The following CEP164 variants were observed in gnomAD, a reference collection of about 807,000 sequenced individuals.
The protein encoded by CEP164 is centrosomal protein 164.
In CEP164, 162 loss-of-function variants were observed where a neutral mutation model predicts 182.7. The observed-to-expected ratio is 0.89, with a 90% CI of 0.78 to 1.01. The LOEUF (loss-of-function observed/expected upper bound fraction) is 1.01. Ranked by LOEUF, CEP164 falls within the 50% of genes least tolerant of loss-of-function variation. The probability of loss-of-function intolerance (pLI) is 0.00; values close to 1 mark genes in which losing one functional copy is unlikely to be tolerated. For missense variants in CEP164, 1,735 were observed against 1,790.4 expected (o/e 0.97, Z 0.56); for synonymous variants, 661 against 690.0 (o/e 0.96, Z 0.66).
At chr11:117,391,780 C>T (rs2044687124) in intron 17 of CEP164, among the ~76,000 whole-genome samples, 1 of 152,216 alleles carries the variant, frequency 6.6e-6, no homozygotes, top group Non-Finnish European at 1.5e-5. Flanking sequence ...TCTCTGAGCA[C>T]TTGTAGTACA....
chr11:117,351,732 T>G (rs2039655244), intron 4 of CEP164, 58 bp from the exon 5 acceptor site: 2 of 1,511,906 alleles, frequency 1.3e-6, no homozygotes, highest in Non-Finnish European at 1.8e-6. Context: ...TCCCCTCTTT[T>G]TTTTTTCTTC....
chr11:117,324,506 T>C (rs1270361584), upstream of CEP164, among the ~76,000 whole-genome samples: 1 of 152,126 alleles, frequency 6.6e-6, no homozygotes, highest in East Asian at 1.9e-4. Flanking sequence ...ACTTTTTAAA[T>C]TATGTTTGCC....
At position 117,376,172 on chromosome 11, in the gene CEP164, C is replaced by G. The variant is rs144767456; in HGVS notation, c.1317+381C>G. Among the ~76,000 whole-genome samples the G allele has an allele frequency of 3.9e-3, 601 of 152,334 alleles. 4 individuals carry two copies. Among genetic ancestry groups the G allele is most frequent in the African/African-American group, 0.012 (518 of 41,574 alleles). On this transcript the variant is annotated intron_variant, in intron 11 of 32. Transcript: ENST00000278935. ...CAGCTGGATCTGCTGCTCGCTATTGCTGGGGCACACTCCACCTCCGCCACG... is the reference window on the plus strand; with the variant it reads ...CAGCTGGATCTGCTGCTCGCTATTGGTGGGGCACACTCCACCTCCGCCACG...
At position 117,395,672 on chromosome 11, in the gene CEP164, C is replaced by A. The variant is rs778620459; in HGVS notation, c.3039C>A (p.Ser1013=). ...ELQARKLKLE[S]QVDLLQAQSQ... is the part of the protein sequence containing the mutation. Reference sequence around the variant, plus strand: ...AGGCCCGCAAGCTGAAGCTGGAGTCCCAAGTGGATCTGCTGCAGGCTCAGA... The same window carrying A: ...AGGCCCGCAAGCTGAAGCTGGAGTCACAAGTGGATCTGCTGCAGGCTCAGA... Residue 1013 remains serine (S), a synonymous_variant, in exon 24 of 33, where the codon TCC becomes TCA. Coordinates refer to ENST00000278935, the MANE Select transcript of CEP164 (RefSeq NM_014956.5). 1 of 1,613,388 alleles carries A rather than the reference C, an allele frequency of 6.2e-7. No individual in the cohort carries two copies. The highest frequency in any genetic ancestry group is 1.1e-5 in the South Asian group (1 of 91,022).
Position 117,411,476 on chromosome 11 carries a change from C to T in CEP164, c.4164-319C>T, listed in dbSNP as rs1592528960. The T allele has an allele frequency of 3.0e-6, 1 of 334,114 alleles. No homozygotes were observed. Among genetic ancestry groups the T allele is most frequent in the Non-Finnish European group, 5.6e-6 (1 of 178,106 alleles). 20.7% of individuals were successfully genotyped at this position (334,114 alleles called of 1,614,324 possible). A position where few individuals can be genotyped will look rare whatever the true frequency, so the allele number is the denominator to read the frequency against. ...ACTAACCCTTTGGCCAACTTGAGAG[C>T]TGATGCTGGCCAAGGATTGAGTTGA... On this transcript the variant is annotated intron_variant, in intron 31 of 32. Coordinates refer to ENST00000278935, the MANE Select transcript of CEP164 (RefSeq NM_014956.5). This position sits in a 1 kb window ranked among gnomAD's most constrained non-coding sequence, Gnocchi z 4.4.
At chr11:117,353,545 A>G (rs1281338584) in intron 5 of CEP164, among the ~76,000 whole-genome samples, 1 of 152,112 alleles carries the variant, frequency 6.6e-6, no homozygotes, top group Non-Finnish European at 1.5e-5. Flanking sequence ...TGGGTAAAGG[A>G]CCGAGATGTA....
rs1227388521 is a variant in CEP164, at chr11:117,344,237, G to C, written c.154G>C (p.Glu52Gln). 6.2e-7 allele frequency: 1 copy of C among 1,613,470 alleles called. No individual in the cohort carries two copies. The highest frequency in any genetic ancestry group is 1.3e-5 in the African/African-American group (1 of 75,034). Residue 52 changes from glutamate (E) to glutamine (Q), a missense_variant, in exon 4 of 33, where the codon GAG becomes CAG. Physicochemically the swap from Glu to Gln is conservative, Grantham distance 29. Transcript: ENST00000278935. ...KEPELMWLAR[E>Q]GIVAPLPGEW... ...ACCAGAACTGATGTGGCTGGCGCGA[G>C]AGGGCATCGTGGCCCCACTGCCTGG...
chr11:117,401,502 T>C (rs1365178253), intron 27 of CEP164, among the ~76,000 whole-genome samples: 1 of 152,194 alleles, frequency 6.6e-6, no homozygotes, highest in Non-Finnish European at 1.5e-5. Flanking sequence ...ATAAAATGAG[T>C]TAGGGAGGAG....
chr11:117,367,925 C>T (rs2041821179), intron 8 of CEP164, among the ~76,000 whole-genome samples: 1 of 152,152 alleles, frequency 6.6e-6, no homozygotes, highest in Admixed American at 6.5e-5. Flanking sequence ...TTAATAAGCA[C>T]TGTAATAAAT....
At position 117,360,154 on chromosome 11, in the gene CEP164, C is replaced by G. The variant is rs181907767; in HGVS notation, c.394-1681C>G. 7.9e-5 allele frequency among the ~76,000 whole-genome samples: 12 copies of G among 151,936 alleles called. No homozygotes were observed. In the East Asian group the frequency reaches 1.2e-3, roughly 15 times the overall value. Reference sequence around the variant, plus strand: ...AGTTAGTGTTGATTTTTTTTCCAGACAGGGTCATTTTTATTTTTTAGAGGC... The same window carrying G: ...AGTTAGTGTTGATTTTTTTTCCAGAGAGGGTCATTTTTATTTTTTAGAGGC... On this transcript the variant is annotated intron_variant, in intron 5 of 32. Coordinates refer to ENST00000278935, the MANE Select transcript of CEP164 (RefSeq NM_014956.5).
intron 3 of CEP164, among the ~76,000 whole-genome samples, chr11:117,340,064 C>T (rs767111894): frequency 4.9e-4 from 75 of 152,120 alleles, no homozygotes; most frequent in South Asian, 3.3e-3. Context: ...TTCACTCTGT[C>T]GCCCAGGCTG....
In CEP164 at chr11:117,412,285, G is replaced by A; in HGVS notation, c.*117G>A. On this transcript the variant is annotated 3_prime_UTR_variant, in exon 33 of 33. Coordinates refer to ENST00000278935, the MANE Select transcript of CEP164 (RefSeq NM_014956.5). ...ACCCTCCTTCCCCCTTTGACTTGCAGGAGCCACCAGGGACCAGGGGGTTGA... is the reference window on the plus strand; with the variant it reads ...ACCCTCCTTCCCCCTTTGACTTGCAAGAGCCACCAGGGACCAGGGGGTTGA... The A allele has an allele frequency of 2.4e-6, 2 of 832,308 alleles. No individual in the cohort carries two copies. The highest frequency in any genetic ancestry group is 1.7e-5 in the South Asian group (1 of 57,160). The allele number at this position is 832,308 out of a possible 1,614,324, so 51.6% of individuals were successfully genotyped here. A position where few individuals can be genotyped will look rare whatever the true frequency, so the allele number is the denominator to read the frequency against.
intron 8 of CEP164, among the ~76,000 whole-genome samples, chr11:117,365,247 G>T (rs575082482): frequency 6.6e-6 from 1 of 152,362 alleles, no homozygotes; most frequent in African/African-American, 2.4e-5. Context: ...TGGCCAGGAA[G>T]CAACTAGCCT....
At chr11:117,322,331 G>A (rs181728427) in intron 1 of CEP164, among the ~76,000 whole-genome samples, 7 of 152,140 alleles carry the variant, frequency 4.6e-5, no homozygotes, top group Admixed American at 1.3e-4. Flanking sequence ...TAGCCAGGAT[G>A]GTCTCGATCT....
upstream of CEP164, among the ~76,000 whole-genome samples, chr11:117,325,532 C>A (rs1465180454): frequency 6.6e-6 from 1 of 150,598 alleles, no homozygotes; most frequent in Admixed American, 6.6e-5. Context: ...ATTACAGGTG[C>A]CTGCCACCAC....
intron 7 of CEP164, 62 bp from the exon 8 acceptor site, chr11:117,363,367 C>A: frequency 3.2e-6 from 4 of 1,251,786 alleles, no homozygotes; most frequent in South Asian, 1.2e-5. Flanking sequence ...CCTCTGCACA[C>A]CCCTCACCCT....
In CEP164 at chr11:117,412,141, C is replaced by A. The variant is rs755044466; in HGVS notation, c.4356C>A (p.His1452Gln). The change falls in exon 33 of 33, where the codon CAC becomes CAA. Residue 1452 changes from histidine to glutamine, a missense_variant. Coordinates refer to ENST00000278935, the MANE Select transcript of CEP164 (RefSeq NM_014956.5). The part of the protein sequence containing the change: ...LSLLQLGLDE[H>Q]NRVKVYRF ...TCCTGCAGCTGGGCCTTGATGAGCA[C>A]AACAGAGTGAAGGTGTATCGCTTCT... 1 of 1,614,182 alleles carries A rather than the reference C, an allele frequency of 6.2e-7. No individual in the cohort carries two copies. Among genetic ancestry groups the A allele is most frequent in the Admixed American group, 1.7e-5 (1 of 60,024 alleles).
At chr11:117,362,133 A>T (rs1387873776) in intron 6 of CEP164, 140 bp downstream of exon 6, 1 of 858,294 alleles carries the variant, frequency 1.2e-6, no homozygotes, top group East Asian at 2.6e-5. Flanking sequence ...GGGAAAATGT[A>T]ATTCGCACCT....
Position 117,392,998 on chromosome 11 carries a change from C to T in CEP164, c.2494-6C>T. On this transcript the variant is annotated splice_region_variant and splice_polypyrimidine_tract_variant and intron_variant, in intron 19 of 32. Transcript: ENST00000278935. ...TCATGCCACATCCCTGCCATCTCCCCTGCAGCTCAGCAGTCTCCTGCGAGA... is the reference window on the plus strand; with the variant it reads ...TCATGCCACATCCCTGCCATCTCCCTTGCAGCTCAGCAGTCTCCTGCGAGA... 1 of 1,612,876 alleles carries T rather than the reference C, an allele frequency of 6.2e-7. No homozygotes were observed. Among genetic ancestry groups the T allele is most frequent in the Non-Finnish European group, 8.5e-7 (1 of 1,179,644 alleles).
Sources: gnomAD v4.1 joint callset for allele counts (sites outside exome capture counted in the v4.1 genomes callset) on GRCh38, gnomAD v4.1.1 for gene constraint, Gnocchi (gnomAD v3.1) non-coding constraint, MANE v1.5 for transcripts, NCBI Gene and HGNC (gene_info 2026-07-23, HGNC 2026-07-21) for gene names.